Variants in MORC3 observed in about 807,000 individuals in gnomAD.
The protein encoded by MORC3 is MORC family CW-type zinc finger 3.
Under a neutral mutation model 109.1 loss-of-function variants are expected in MORC3, and 31 were observed. That is an observed-to-expected ratio of 0.28 (90% CI 0.21 to 0.38). The LOEUF (loss-of-function observed/expected upper bound fraction) is 0.38, where lower values mean the gene tolerates loss of function less well. Ranked by LOEUF, MORC3 falls within the 10% of genes least tolerant of loss-of-function variation. The pLI, the probability that MORC3 is intolerant of heterozygous loss-of-function variation, is 1.00. For missense variants in MORC3, 867 were observed against 1,135.8 expected, an observed-to-expected ratio of 0.76 and a Z score of 3.40; for synonymous variants, 395 against 380.7, an observed-to-expected ratio of 1.04 and a Z score of -0.44.
intron 2 of MORC3, among the ~76,000 whole-genome samples, chr21:36,336,519 C>G (rs1221043702): frequency 6.6e-6 from 1 of 152,232 alleles, no homozygotes; most frequent in Admixed American, 6.5e-5. Context: ...GCTGGGATTA[C>G]AGGCGTGAGC....
At chr21:36,364,918 G>A (rs749967623) in intron 14 of MORC3, among the ~76,000 whole-genome samples, 3 of 151,940 alleles carry the variant, frequency 2.0e-5, no homozygotes, top group Admixed American at 6.6e-5. Flanking sequence ...TGGGTGTGGC[G>A]TTACATGCCT....
At chr21:36,334,203 C>T (rs1449652223) in intron 2 of MORC3, among the ~76,000 whole-genome samples, 9 of 151,904 alleles carry the variant, frequency 5.9e-5, no homozygotes, top group Admixed American at 5.3e-4. Context: ...TGCAATGAGC[C>T]GTGATTGTGC....
At chr21:36,320,725 G>T in intron 1 of MORC3, 1 of 177,296 alleles carries the variant, frequency 5.6e-6, no homozygotes, top group East Asian at 1.4e-4. Flanking sequence ...GACGTCCCGG[G>T]GGCGGGGGGA....
chr21:36,328,894 T>A, intron 1 of MORC3, among the ~76,000 whole-genome samples: 1 of 133,024 alleles, frequency 7.5e-6, no homozygotes. Context: ...ATACTAACGA[T>A]AGCTGATGAG....
chr21:36,357,897 C>T (rs536377010), intron 10 of MORC3, among the ~76,000 whole-genome samples: 112 of 151,722 alleles, frequency 7.4e-4, no homozygotes, highest in African/African-American at 2.4e-3. Flanking sequence ...TGTGCCACCA[C>T]GCCTGGCTAA....
chr21:36,354,323 C>CTTTTTTTTTTTTTTTTTTTTTTTTTTTTT (rs144208712), intron 9 of MORC3, among the ~76,000 whole-genome samples: 3 of 113,654 alleles, frequency 2.6e-5, no homozygotes, highest in African/African-American at 3.4e-5. Context: ...TTCTTTCTTT[C>CTTTTTTTTTTTTTTTTTTTTTTTTTTTTT]TTTTTTTTTT....
chr21:36,327,109 CGCCTG>C (rs1205776965), intron 1 of MORC3, among the ~76,000 whole-genome samples: 2 of 148,474 alleles, frequency 1.3e-5, no homozygotes, highest in Non-Finnish European at 3.0e-5. Context: ...TGAGCCAGCG[CGCCTG>C]GCCTCAAATT....
intron 6 of MORC3, among the ~76,000 whole-genome samples, chr21:36,342,888 G>A (rs971095183): frequency 3.3e-5 from 5 of 151,550 alleles, no homozygotes; most frequent in East Asian, 4.1e-4. Context: ...GCACGGTTGC[G>A]GGAGCCTGTG....
intron 9 of MORC3, 34 bp downstream of exon 9, chr21:36,349,442 C>G: frequency 7.3e-7 from 1 of 1,369,810 alleles, no homozygotes; most frequent in Non-Finnish European, 1.0e-6. Flanking sequence ...GACTGAGGTT[C>G]CTAGGAAATG....
At chr21:36,334,702 G>A (rs1013891856) in intron 2 of MORC3, among the ~76,000 whole-genome samples, 1 of 152,188 alleles carries the variant, frequency 6.6e-6, no homozygotes, top group Non-Finnish European at 1.5e-5. Flanking sequence ...TATGTAATAA[G>A]TTCTTGCTTC....
intron 9 of MORC3, among the ~76,000 whole-genome samples, chr21:36,355,483 T>A (rs1281633218): frequency 1.3e-5 from 2 of 152,200 alleles, no homozygotes; most frequent in African/African-American, 4.8e-5. Flanking sequence ...AGGGTTAGCA[T>A]CTTTATAGAT....
intron 8 of MORC3, among the ~76,000 whole-genome samples, chr21:36,345,946 A>G (rs2085502945): frequency 6.6e-6 from 1 of 152,102 alleles, no homozygotes; most frequent in Non-Finnish European, 1.5e-5. Flanking sequence ...GGTTCAAGTG[A>G]TCCTCGCACC....
At chr21:36,335,270 A>G (rs1448243925) in intron 2 of MORC3, among the ~76,000 whole-genome samples, 1 of 151,970 alleles carries the variant, frequency 6.6e-6, no homozygotes, top group African/African-American at 2.4e-5. Context: ...TTATCAAGGA[A>G]GGGTTCTATC....
Position 36,369,047 on chromosome 21 carries a change from G to A in MORC3, c.1679G>A (p.Ser560Asn), listed in dbSNP as rs775154863. ...SILNAKNRRL[S>N]SQFENSVYKG... ...TTGAATGCAAAGAATCGGAGATTGA[G>A]TAGTCAGTTTGAAAATTCAGTTTAT... is the stretch of plus-strand genomic sequence containing the variant. Residue 560 changes from serine to asparagine, a missense_variant, in exon 15 of 17, where the codon AGT (serine) becomes AAT (asparagine). Physicochemically the swap from Ser to Asn is conservative, Grantham distance 46. Around this residue, in one of 7 missense-constraint regions of MORC3, gnomAD observed 486 missense variants for 502.1 expected, o/e 0.97. Transcript: ENST00000400485. 6.2e-7 allele frequency: 1 copy of A among 1,613,974 alleles called. No individual in the cohort carries two copies. Among genetic ancestry groups the A allele is most frequent in the Non-Finnish European group, 8.5e-7 (1 of 1,179,962 alleles).
At chr21:36,326,697 G>C (rs543893169) in intron 1 of MORC3, among the ~76,000 whole-genome samples, 1 of 152,228 alleles carries the variant, frequency 6.6e-6, no homozygotes, top group African/African-American at 2.4e-5. Flanking sequence ...TTTGACTTGT[G>C]ACTGCCTTAT....
At chr21:36,331,268 A>C (rs1309539292) in intron 1 of MORC3, among the ~76,000 whole-genome samples, 1 of 152,128 alleles carries the variant, frequency 6.6e-6, no homozygotes, top group Non-Finnish European at 1.5e-5. Context: ...AATTCTCTGC[A>C]TACTGAAATT....
rs770122231 is a variant in MORC3, at chr21:36,376,000, T to C, written c.*704T>C. ...AATATTAAATGGCCACCAAGTTTAC[T>C]TTGAAGCCCATTTTTGGCTGTTTAG... On this transcript the variant is annotated 3_prime_UTR_variant, in exon 17 of 17. Transcript: ENST00000400485. 2 of 152,238 alleles carry C rather than the reference T, an allele frequency of 1.3e-5. No individual in the cohort carries two copies. Among genetic ancestry groups the C allele is most frequent in the Non-Finnish European group, 2.9e-5 (2 of 68,038 alleles). 9.4% of individuals were successfully genotyped at this position (152,238 alleles called of 1,614,324 possible).
In MORC3 at chr21:36,365,316, A is replaced by G. The variant is rs1487113227; in HGVS notation, c.1619+1057A>G. 2.6e-5 allele frequency among the ~76,000 whole-genome samples: 4 copies of G among 152,274 alleles called. No homozygotes were observed. The East Asian group carries it at 5.8e-4, about 22-fold the overall frequency. ...GTAGTCTTGTAGATGGCCTCTTCCA[A>G]TTTAATAGAATGAAGACAAGTGAAG... is the stretch of plus-strand genomic sequence containing the variant. On this transcript the variant is annotated intron_variant, in intron 14 of 16. Transcript: ENST00000400485.
intron 2 of MORC3, among the ~76,000 whole-genome samples, chr21:36,336,128 A>C (rs2085373106): frequency 2.1e-5 from 3 of 144,502 alleles, no homozygotes; most frequent in African/African-American, 2.6e-5. Flanking sequence ...ATGGGATTTC[A>C]CCCTGTCGGC....
Sources: allele counts gnomAD v4.1 joint callset (sites outside exome capture counted in the v4.1 genomes callset), GRCh38; gene constraint gnomAD v4.1.1; regional missense constraint gnomAD v4.1.1; transcripts MANE v1.5; gene names NCBI Gene and HGNC (gene_info 2026-07-23, HGNC 2026-07-21).